The following KLHDC2 variants were observed in gnomAD, a reference collection of about 807,000 sequenced individuals.
KLHDC2 encodes the protein kelch domain-containing protein 2.
Under a neutral mutation model 62.3 loss-of-function variants are expected in KLHDC2, and 38 were observed. That is an observed-to-expected ratio of 0.61 (90% CI 0.47 to 0.80). The LOEUF is 0.80. KLHDC2 is among the 30% of genes least tolerant of loss of function. KLHDC2 has a pLI of 0.00. For missense variants in KLHDC2, 430 were observed against 495.3 expected, an observed-to-expected ratio of 0.87 and a Z score of 1.25; for synonymous variants, 159 against 161.0, an observed-to-expected ratio of 0.99 and a Z score of 0.09.
intron 10 of KLHDC2, 58 bp from the exon 11 acceptor site, chr14:49,782,312 A>G: frequency 1.8e-6 from 2 of 1,127,784 alleles, no homozygotes; most frequent in Non-Finnish European, 2.6e-6. Context: ...ATTCTGTAGT[A>G]TAAAATGGCC....
chr14:49,785,431 A>C lies in KLHDC2; in HGVS notation c.*2478A>C. The C allele has an allele frequency of 1.4e-6, 1 of 724,766 alleles. No individual in the cohort carries two copies. Among genetic ancestry groups the C allele is most frequent in the Non-Finnish European group, 2.5e-6 (1 of 406,474 alleles). 44.9% of individuals were successfully genotyped at this position (724,766 alleles called of 1,614,324 possible). On this transcript the variant is annotated 3_prime_UTR_variant, in exon 13 of 13. Coordinates refer to ENST00000298307, the MANE Select transcript of KLHDC2 (RefSeq NM_014315.3). The stretch of plus-strand genomic sequence containing the variant: ...TATTTTTTATCTTTTCCTGATATAC[A>C]TACCATCTAAGCTGGAACAGTGGTA...
chr14:49,772,843 C>G (rs955148163), intron 2 of KLHDC2, among the ~76,000 whole-genome samples: 4 of 152,158 alleles, frequency 2.6e-5, no homozygotes, highest in Non-Finnish European at 4.4e-5. Context: ...ATAATCCCAG[C>G]TACTAGGGAG....
At chr14:49,777,699 G>A in intron 3 of KLHDC2, 140 bp from the exon 4 acceptor site, 1 of 547,470 alleles carries the variant, frequency 1.8e-6, no homozygotes, top group Non-Finnish European at 3.2e-6. Context: ...ACTCTGAGCA[G>A]TCTGGCAGCC....
chr14:49,782,261 C>T, intron 10 of KLHDC2, 109 bp from the exon 11 acceptor site: 1 of 649,980 alleles, frequency 1.5e-6, no homozygotes, highest in East Asian at 2.8e-5. Flanking sequence ...ATGTTTTGGT[C>T]TGAACTACCT....
chr14:49,774,495 G>C, intron 2 of KLHDC2, 66 bp from the exon 3 acceptor site: 1 of 1,013,212 alleles, frequency 9.9e-7, no homozygotes, highest in Non-Finnish European at 1.6e-6. Flanking sequence ...AGTAGAAGAA[G>C]AAAAATTAAT....
Position 49,784,563 on chromosome 14 carries a change from G to T in KLHDC2, c.*1610G>T. 1 of 986,024 alleles carries T rather than the reference G, an allele frequency of 1.0e-6. No individual in the cohort carries two copies. The highest frequency in any genetic ancestry group is 1.6e-6 in the Non-Finnish European group (1 of 632,702). 61.1% of individuals were successfully genotyped at this position (986,024 alleles called of 1,614,324 possible). A position where few individuals can be genotyped will look rare whatever the true frequency, so the allele number is the denominator to read the frequency against. On this transcript the variant is annotated 3_prime_UTR_variant, in exon 13 of 13. Coordinates refer to ENST00000298307, the MANE Select transcript of KLHDC2 (RefSeq NM_014315.3). ...TTATAATGCGGAAATCCTGATACATGGTGCTTTCATCTTTGAACTTCCAAA... is the reference window on the plus strand; with the variant it reads ...TTATAATGCGGAAATCCTGATACATTGTGCTTTCATCTTTGAACTTCCAAA...
intron 9 of KLHDC2, 42 bp from the exon 10 acceptor site, chr14:49,780,661 A>T (rs1476902896): frequency 2.4e-6 from 3 of 1,261,846 alleles, no homozygotes; most frequent in Non-Finnish European, 3.5e-6. Context: ...TGTCAATGTC[A>T]TATTGACAGA....
At chr14:49,776,527 G>A (rs947398149) in intron 3 of KLHDC2, among the ~76,000 whole-genome samples, 3 of 152,006 alleles carry the variant, frequency 2.0e-5, no homozygotes, top group African/African-American at 7.3e-5. Flanking sequence ...TTTAATCTTA[G>A]AGTTAAATAG....
chr14:49,785,381 A>G lies in KLHDC2; in HGVS notation c.*2428A>G, dbSNP rs757256718. The G allele has an allele frequency of 2.8e-5, 31 of 1,096,006 alleles. No homozygotes were observed. The East Asian group carries it at 6.6e-4, about 23-fold the overall frequency. 67.9% of individuals were successfully genotyped at this position (1,096,006 alleles called of 1,614,324 possible). ...ATACCGCCCTTTACAAAAAATGCTA[A>G]AACACTTGAATTAGTATCTCAACAT... is the stretch of plus-strand genomic sequence containing the variant. On this transcript the variant is annotated 3_prime_UTR_variant, in exon 13 of 13. Coordinates refer to ENST00000298307, the MANE Select transcript of KLHDC2 (RefSeq NM_014315.3).
chr14:49,782,620 A>C lies in KLHDC2; in HGVS notation c.1097+26A>C, dbSNP rs1566639350. On this transcript the variant is annotated intron_variant, in intron 12 of 12. Transcript: ENST00000298307. ...GTAAGTAACTTTGTACTTGGCACTT[A>C]GATTATTTAAAATTGTGTTTCCTAA... is the stretch of plus-strand genomic sequence containing the variant. The C allele has an allele frequency of 3.2e-6, 5 of 1,560,326 alleles. No individual in the cohort carries two copies. The Admixed American group carries it at 9.1e-5, about 28-fold the overall frequency.
In KLHDC2 at chr14:49,784,280, A is replaced by G. The variant is rs1890055053; in HGVS notation, c.*1327A>G. On this transcript the variant is annotated 3_prime_UTR_variant, in exon 13 of 13. Transcript: ENST00000298307. ...ATATATTAGATGTTATATACAGTAG[A>G]CTTACCAAGTCAATAGTTTAAGCAA... is the stretch of plus-strand genomic sequence containing the variant. 5.9e-6 allele frequency: 1 copy of G among 170,728 alleles called. No homozygotes were observed. Among genetic ancestry groups the G allele is most frequent in the Admixed American group, 6.1e-5 (1 of 16,392 alleles). The allele number at this position is 170,728 out of a possible 1,614,324, so 10.6% of individuals were successfully genotyped here.
At position 49,778,532 on chromosome 14, in the gene KLHDC2, T is replaced by G. The variant is rs200455942; in HGVS notation, c.633+38T>G. On this transcript the variant is annotated intron_variant, in intron 6 of 12. Coordinates refer to ENST00000298307, the MANE Select transcript of KLHDC2 (RefSeq NM_014315.3). Reference sequence around the variant, plus strand: ...AGAATAATGAATTGTTAAGGATACTTAGAGGCAGTGGGGAGGGGTGGGGTA... The same window carrying G: ...AGAATAATGAATTGTTAAGGATACTGAGAGGCAGTGGGGAGGGGTGGGGTA... 2.1e-5 allele frequency: 18 copies of G among 866,380 alleles called. No individual in the cohort carries two copies. In the South Asian group the frequency reaches 2.9e-4, roughly 14 times the overall value. The allele number at this position is 866,380 out of a possible 1,614,324, so 53.7% of individuals were successfully genotyped here.
Position 49,784,814 on chromosome 14 carries a change from G to A in KLHDC2, c.*1861G>A. The A allele has an allele frequency of 1.4e-6, 2 of 1,390,732 alleles. No homozygotes were observed. The highest frequency in any genetic ancestry group is 2.4e-5 in the South Asian group (2 of 81,978). The allele number at this position is 1,390,732 out of a possible 1,614,324, so 86.1% of individuals were successfully genotyped here. On this transcript the variant is annotated 3_prime_UTR_variant, in exon 13 of 13. Transcript: ENST00000298307. ...ACATTTCCAAACTTTTAGCTGAGATGGTTTTACTGCTTCTAATAAGACAGC... is the reference window on the plus strand; with the variant it reads ...ACATTTCCAAACTTTTAGCTGAGATAGTTTTACTGCTTCTAATAAGACAGC...
At chr14:49,779,461 G>C (rs556554452) in intron 6 of KLHDC2, 134 bp from the exon 7 acceptor site, 1 of 589,924 alleles carries the variant, frequency 1.7e-6, no homozygotes, top group Non-Finnish European at 3.0e-6. Flanking sequence ...TAGTACAACT[G>C]TTGTCTAGAA....
rs1013966430 is a variant in KLHDC2 at position 49,784,763 on chromosome 14, T to C, written c.*1810T>C. 1 of 1,524,090 alleles carries C rather than the reference T, an allele frequency of 6.6e-7. No homozygotes were observed. Among genetic ancestry groups the C allele is most frequent in the Admixed American group, 1.8e-5 (1 of 55,558 alleles). 94.4% of individuals were successfully genotyped at this position (1,524,090 alleles called of 1,614,324 possible). On this transcript the variant is annotated 3_prime_UTR_variant, in exon 13 of 13. Coordinates refer to ENST00000298307, the MANE Select transcript of KLHDC2 (RefSeq NM_014315.3). ...TCTTCACATCCTGTATGGTCAATCA[T>C]GTTTCTTTTATGACAAAAACGAAAA...
chr14:49,778,263 A>G lies in KLHDC2; in HGVS notation c.549+4A>G. ...ATTCGATGAAACATCTTTTTGGGTA[A>G]GTGAAGTTTCATATTTGCATATGGC... On this transcript the variant is annotated splice_donor_region_variant and intron_variant, in intron 5 of 12. Transcript: ENST00000298307. The G allele has an allele frequency of 6.3e-7, 1 of 1,589,132 alleles. No individual in the cohort carries two copies. The highest frequency in any genetic ancestry group is 1.7e-4 in the Middle Eastern group (1 of 6,000).
At chr14:49,780,669 A>C in intron 9 of KLHDC2, 34 bp from the exon 10 acceptor site, 1 of 1,376,646 alleles carries the variant, frequency 7.3e-7, no homozygotes, top group East Asian at 2.3e-5. Context: ...TCATATTGAC[A>C]GACTAACATA....
chr14:49,775,783 C>T (rs534471190), intron 3 of KLHDC2, among the ~76,000 whole-genome samples: 7 of 152,082 alleles, frequency 4.6e-5, no homozygotes, highest in Admixed American at 3.3e-4. Context: ...TGCATCACTA[C>T]GCCCAGCTAA....
At chr14:49,778,561 G>GGA in intron 6 of KLHDC2, 67 bp downstream of exon 6, 5 of 297,526 alleles carry the variant, frequency 1.7e-5, no homozygotes, top group South Asian at 2.8e-5. Context: ...TGGGGTAGGG[G>GGA]AGAGGGGTGC....
Sources: allele counts gnomAD v4.1 joint callset (sites outside exome capture counted in the v4.1 genomes callset), GRCh38; gene constraint gnomAD v4.1.1; transcripts MANE v1.5; gene names NCBI Gene and HGNC (gene_info 2026-07-23, HGNC 2026-07-21).